The following CLVS1 variants were observed in gnomAD, a reference collection of about 807,000 sequenced individuals.
CLVS1 encodes clavesin-1.
CLVS1 carries 10 observed loss-of-function variants against 33.1 expected under a neutral mutation model. The observed-to-expected ratio is 0.30, with a 90% CI of 0.19 to 0.51. CLVS1 has a LOEUF of 0.51. Ranked by LOEUF, CLVS1 falls within the 20% of genes least tolerant of loss-of-function variation. The pLI is 0.97. For missense variants in CLVS1, 343 were observed against 433.4 expected, an observed-to-expected ratio of 0.79 and a Z score of 1.85; for synonymous variants, 163 against 166.1, an observed-to-expected ratio of 0.98 and a Z score of 0.14.
At chr8:61,025,981 C>T in the CLVS1 span, among the ~76,000 whole-genome samples, 2 of 152,154 alleles carry the variant, frequency 1.3e-5, no homozygotes, top group African/African-American at 4.8e-5. Context: ...CTATCTGAAA[C>T]CAAAACACCT....
At chr8:60,996,108 CA>C in the CLVS1 span, among the ~76,000 whole-genome samples, 1 of 152,236 alleles carries the variant, frequency 6.6e-6, no homozygotes, top group African/African-American at 2.4e-5. Flanking sequence ...CACATGTATA[CA>C]TATGTAACTA....
At chr8:61,076,867 T>C (rs546504135) in intron 1 of CLVS1, among the ~76,000 whole-genome samples, 11 of 152,330 alleles carry the variant, frequency 7.2e-5, no homozygotes. Flanking sequence ...ACCCATTTAA[T>C]GCAATGGTAT....
In CLVS1 at chr8:61,140,793, C is replaced by T. The variant is rs937894500; in HGVS notation, c.-152+8933C>T. ...GTGTTAGCCAGGATGGTCTCGATCT[C>T]CTGACCTCGTGATCCGCCCGCCTCG... On this transcript the variant is annotated intron_variant, in intron 2 of 2. Transcript: ENST00000522621. Among the ~76,000 whole-genome samples, 46 of 152,252 alleles carry T rather than the reference C, an allele frequency of 3.0e-4. 1 individual carries two copies. The highest frequency in any genetic ancestry group is 9.8e-4 in the Admixed American group (15 of 15,306).
Position 61,222,931 on chromosome 8 carries a change from C to CT in CLVS1, c.-151-76732dup, listed in dbSNP as rs35852094. ...ACCATTATGTAATGCCCTTTTTTGTCTTTTTTTTTTTTTTATCTTTGTTGG... is the reference window on the plus strand; with the variant it reads ...ACCATTATGTAATGCCCTTTTTTGTCTTTTTTTTTTTTTTTATCTTTGTTGG... On this transcript the variant is annotated intron_variant, in intron 2 of 2. Transcript: ENST00000522621. Among the ~76,000 whole-genome samples the CT allele has an allele frequency of 2.8e-3, 378 of 134,950 alleles. 4 individuals are homozygous for CT. Among genetic ancestry groups the CT allele is most frequent in the Non-Finnish European group, 4.0e-3 (248 of 62,764 alleles). 88.5% of individuals were successfully genotyped at this position (134,950 alleles called of 152,430 possible). A position where few individuals can be genotyped will look rare whatever the true frequency, so the allele number is the denominator to read the frequency against.
At chr8:61,178,335 T>C (rs977406503) in intron 2 of CLVS1, among the ~76,000 whole-genome samples, 1 of 151,658 alleles carries the variant, frequency 6.6e-6, no homozygotes, top group African/African-American at 2.4e-5. Flanking sequence ...CACCAAGAAA[T>C]TTGGGGCTAT....
intron 2 of CLVS1, among the ~76,000 whole-genome samples, chr8:61,205,686 TAG>T (rs2129306064): frequency 6.6e-6 from 1 of 152,322 alleles, no homozygotes; most frequent in East Asian, 1.9e-4. Context: ...AACCACCATC[TAG>T]TTTTCAAAAT....
chr8:61,146,075 C>T (rs1806408390), intron 2 of CLVS1, among the ~76,000 whole-genome samples: 1 of 152,168 alleles, frequency 6.6e-6, no homozygotes. Context: ...TGAGTGGCAG[C>T]AGTGCCCTCT....
intron 3 of CLVS1, among the ~76,000 whole-genome samples, chr8:61,453,327 G>A (rs1417487880): frequency 6.6e-6 from 1 of 152,032 alleles, no homozygotes; most frequent in Admixed American, 6.6e-5. Context: ...AATTAGCACC[G>A]AGAGCAGCTT....
chr8:61,411,122 G>A (rs894981422), intron 3 of CLVS1, among the ~76,000 whole-genome samples: 1 of 152,172 alleles, frequency 6.6e-6, no homozygotes, highest in Non-Finnish European at 1.5e-5. Context: ...GTTCTGGAGA[G>A]CAAATAATCA....
At chr8:61,222,989 CA>C (rs35292392) in intron 2 of CLVS1, among the ~76,000 whole-genome samples, 5 of 141,760 alleles carry the variant, frequency 3.5e-5, no homozygotes, top group East Asian at 2.0e-4. Context: ...ACTAGGATTG[CA>C]AAAAAAAAGA....
chr8:61,196,542 A>C (rs1375819443), intron 2 of CLVS1, among the ~76,000 whole-genome samples: 1 of 152,214 alleles, frequency 6.6e-6, no homozygotes, highest in Non-Finnish European at 1.5e-5. Flanking sequence ...TGGCTTAGGC[A>C]CAGTTGAACT....
chr8:61,484,293 C>T (rs914752391), intron 5 of CLVS1, among the ~76,000 whole-genome samples: 1 of 152,084 alleles, frequency 6.6e-6, no homozygotes, highest in African/African-American at 2.4e-5. Flanking sequence ...TTCCTGTACA[C>T]CAATAACAGA....
chr8:60,991,595 C>T, the CLVS1 span, among the ~76,000 whole-genome samples: 458 of 152,254 alleles, frequency 3.0e-3, 2 homozygotes, highest in South Asian at 0.018. Context: ...CCTCTTGTCT[C>T]GTGCCTGTCA....
intron 1 of CLVS1, among the ~76,000 whole-genome samples, chr8:61,290,839 T>G (rs1809962703): frequency 6.6e-6 from 1 of 152,216 alleles, no homozygotes; most frequent in African/African-American, 2.4e-5. Flanking sequence ...AGACCTTCTT[T>G]TCAACCTTCT....
intron 5 of CLVS1, among the ~76,000 whole-genome samples, chr8:61,492,470 C>T (rs1385331092): frequency 6.6e-6 from 1 of 152,172 alleles, no homozygotes; most frequent in African/African-American, 2.4e-5. Context: ...GACAGTGCAG[C>T]TCTTCATGAA....
chr8:61,373,548 A>G (rs866487091), intron 2 of CLVS1, among the ~76,000 whole-genome samples: 1 of 152,218 alleles, frequency 6.6e-6, no homozygotes, highest in Admixed American at 6.5e-5. Flanking sequence ...GCCAGCTTGT[A>G]GTTAAAGGAG....
At chr8:61,052,039 C>T in the CLVS1 span, among the ~76,000 whole-genome samples, 16 of 152,340 alleles carry the variant, frequency 1.1e-4, no homozygotes, top group South Asian at 1.9e-3. Context: ...CTGGTCCCTG[C>T]CTGGGGAACC....
chr8:61,024,484 A>G, the CLVS1 span, among the ~76,000 whole-genome samples: 1 of 152,196 alleles, frequency 6.6e-6, no homozygotes, highest in Non-Finnish European at 1.5e-5. Flanking sequence ...ATTTTCAAGT[A>G]ATATCATAAT....
In CLVS1 at chr8:61,232,022, GGTTTTTTTTTTTTT is replaced by G. The variant is rs1288005453; in HGVS notation, c.-151-67654_-151-67641del. 1.6e-4 allele frequency among the ~76,000 whole-genome samples: 19 copies of G among 117,074 alleles called. 1 individual carries two copies. The East Asian group carries it at 6.0e-3, about 37-fold the overall frequency. 76.8% of individuals were successfully genotyped at this position (117,074 alleles called of 152,430 possible). A position where few individuals can be genotyped will look rare whatever the true frequency, so the allele number is the denominator to read the frequency against. On this transcript the variant is annotated intron_variant, in intron 2 of 2. Coordinates refer to the CLVS1 transcript ENST00000522621. ...GAGAAGGAGCCCTGAGGAAAGTTGT[GGTTTTTTTTTTTTT>G]TTTTTTTTTTTTTTGTGAGATGGAG...
Sources: gnomAD v4.1 joint callset for allele counts (sites outside exome capture counted in the v4.1 genomes callset) on GRCh38, gnomAD v4.1.1 for gene constraint, MANE v1.5 for transcripts, NCBI Gene and HGNC (gene_info 2026-07-23, HGNC 2026-07-21) for gene names.